Variants in PTPRT observed in about 807,000 individuals in gnomAD.
The protein encoded by PTPRT is receptor-type tyrosine-protein phosphatase T.
Under a neutral mutation model 176.8 loss-of-function variants are expected in PTPRT, and 56 were observed. That is an observed-to-expected ratio of 0.32 (90% CI 0.26 to 0.40). The LOEUF (loss-of-function observed/expected upper bound fraction) is 0.40, where lower values mean the gene tolerates loss of function less well. PTPRT is among the 10% of genes least tolerant of loss of function. PTPRT has a pLI of 1.00. For missense variants in PTPRT, 1,540 were observed against 1,908.2 expected (o/e 0.81, Z 3.60); for synonymous variants, 783 against 739.0 (o/e 1.06, Z -0.96).
chr20:42,589,117 T>C (rs553669157), intron 7 of PTPRT, among the ~76,000 whole-genome samples: 1 of 152,278 alleles, frequency 6.6e-6, no homozygotes, highest in South Asian at 2.1e-4. Flanking sequence ...TTAAATGCTG[T>C]CATTGAGACA....
intron 2 of PTPRT, among the ~76,000 whole-genome samples, chr20:42,792,144 C>G (rs1362177667): frequency 6.6e-6 from 1 of 152,174 alleles, no homozygotes; most frequent in Non-Finnish European, 1.5e-5. Context: ...TGGAGGACAC[C>G]TGACTTGAAC....
chr20:42,385,752 G>T (rs781781123), intron 9 of PTPRT, among the ~76,000 whole-genome samples: 1 of 152,086 alleles, frequency 6.6e-6, no homozygotes, highest in African/African-American at 2.4e-5. Context: ...TGTGCAGGGG[G>T]AACTCCCATT....
At chr20:42,669,507 T>C (rs2075377643) in intron 7 of PTPRT, among the ~76,000 whole-genome samples, 1 of 152,198 alleles carries the variant, frequency 6.6e-6, no homozygotes, top group South Asian at 2.1e-4. Flanking sequence ...TAGATGTCTG[T>C]GTTCATACTA....
At chr20:42,990,115 GA>G (rs1983817219) in intron 1 of PTPRT, among the ~76,000 whole-genome samples, 1 of 152,188 alleles carries the variant, frequency 6.6e-6, no homozygotes, top group African/African-American at 2.4e-5. Flanking sequence ...CCGTTTCAAA[GA>G]GATATTAAAA....
intron 15 of PTPRT, among the ~76,000 whole-genome samples, chr20:42,205,264 C>G (rs2055426832): frequency 6.6e-6 from 1 of 152,144 alleles, no homozygotes; most frequent in South Asian, 2.1e-4. Context: ...TTCTCTTCAC[C>G]TTTTAAGGCC....
At chr20:42,894,664 G>T (rs1174738830) in intron 1 of PTPRT, among the ~76,000 whole-genome samples, 1 of 152,112 alleles carries the variant, frequency 6.6e-6, no homozygotes, top group Non-Finnish European at 1.5e-5. Flanking sequence ...CCTTGACCTC[G>T]AAAGGAACCT....
chr20:42,600,834 A>G (rs1186448770), intron 7 of PTPRT, among the ~76,000 whole-genome samples: 2 of 152,104 alleles, frequency 1.3e-5, no homozygotes, highest in Non-Finnish European at 2.9e-5. Flanking sequence ...TATGCAACAC[A>G]TTTTCTTTAT....
At chr20:42,230,832 A>T (rs1248694771) in intron 15 of PTPRT, among the ~76,000 whole-genome samples, 1 of 152,202 alleles carries the variant, frequency 6.6e-6, no homozygotes, top group Non-Finnish European at 1.5e-5. Flanking sequence ...TGTATACTGG[A>T]GAGACAATAA....
At chr20:42,986,959 T>A (rs1983618918) in intron 1 of PTPRT, among the ~76,000 whole-genome samples, 1 of 152,152 alleles carries the variant, frequency 6.6e-6, no homozygotes, top group Non-Finnish European at 1.5e-5. Context: ...CATCCCTGCA[T>A]CAGGCTAGAC....
chr20:42,503,538 T>C (rs1321152957), intron 7 of PTPRT, among the ~76,000 whole-genome samples: 2 of 152,230 alleles, frequency 1.3e-5, no homozygotes, highest in South Asian at 2.1e-4. Context: ...TTAGAGAATA[T>C]AGTTTGTGTG....
At chr20:42,100,721 AATGCACACCTAC>A (rs1456104273) in intron 26 of PTPRT, among the ~76,000 whole-genome samples, 1 of 152,182 alleles carries the variant, frequency 6.6e-6, no homozygotes, top group Non-Finnish European at 1.5e-5. Flanking sequence ...TCACACACAT[AATGCACACCTAC>A]ATGCACACAT....
intron 17 of PTPRT, among the ~76,000 whole-genome samples, chr20:42,154,888 G>A (rs1312820926): frequency 6.6e-6 from 1 of 152,148 alleles, no homozygotes; most frequent in Non-Finnish European, 1.5e-5. Context: ...GGAGGAGGGA[G>A]GATGCTGTGG....
chr20:42,219,163 C>T (rs1379723687), intron 15 of PTPRT, among the ~76,000 whole-genome samples: 2 of 152,116 alleles, frequency 1.3e-5, no homozygotes, highest in African/African-American at 2.4e-5. Context: ...TTAGAGATGA[C>T]GGGTCCCTGC....
intron 7 of PTPRT, among the ~76,000 whole-genome samples, chr20:42,578,776 ATCT>A (rs1211921656): frequency 5.9e-5 from 9 of 151,752 alleles, no homozygotes; most frequent in South Asian, 4.2e-4. Context: ...AGCTGGAGTG[ATCT>A]TCTTCTTATG....
intron 7 of PTPRT, among the ~76,000 whole-genome samples, chr20:42,476,262 CT>C (rs2071287215): frequency 6.6e-6 from 1 of 152,122 alleles, no homozygotes; most frequent in Non-Finnish European, 1.5e-5. Context: ...TATGCTGAGA[CT>C]CCAGTGGAAG....
At chr20:42,534,983 C>T (rs1351557007) in intron 7 of PTPRT, among the ~76,000 whole-genome samples, 1 of 152,146 alleles carries the variant, frequency 6.6e-6, no homozygotes, top group Non-Finnish European at 1.5e-5. Context: ...TTCCCACTCG[C>T]CACGGAAAGT....
At chr20:42,349,641 C>T (rs1164505072) in intron 11 of PTPRT, among the ~76,000 whole-genome samples, 1 of 152,078 alleles carries the variant, frequency 6.6e-6, no homozygotes, top group African/African-American at 2.4e-5. Context: ...GTTTTTAGGC[C>T]TTGGGCCCCG....
At chr20:43,177,647 A>T (rs1342391880) in intron 1 of PTPRT, among the ~76,000 whole-genome samples, 2 of 152,170 alleles carry the variant, frequency 1.3e-5, no homozygotes, top group Non-Finnish European at 1.5e-5. Context: ...CTCAGGCAGA[A>T]CAATTGCAAT....
intron 1 of PTPRT, among the ~76,000 whole-genome samples, chr20:43,141,394 CT>C (rs1412551857): frequency 1.3e-5 from 2 of 152,160 alleles, no homozygotes; most frequent in African/African-American, 4.8e-5. Context: ...TGGTTATCAG[CT>C]GGGGTGACTG....
Sources: allele counts gnomAD v4.1 joint callset (sites outside exome capture counted in the v4.1 genomes callset), GRCh38; gene constraint gnomAD v4.1.1; transcripts MANE v1.5; gene names NCBI Gene and HGNC (gene_info 2026-07-23, HGNC 2026-07-21).